SNTG1: variants seen among roughly 807,000 people sequenced by gnomAD.
The protein encoded by SNTG1 is syntrophin gamma 1, also known as gamma-1-syntrophin.
In SNTG1, 39 loss-of-function variants were observed where a neutral mutation model predicts 74.7. The observed-to-expected ratio is 0.52, with a 90% CI of 0.40 to 0.68. The LOEUF is 0.68. SNTG1 is among the 30% of genes least tolerant of loss of function. The pLI, the probability that SNTG1 is intolerant of heterozygous loss-of-function variation, is 0.00. For missense variants in SNTG1, 685 were observed against 609.5 expected, an observed-to-expected ratio of 1.12 and a Z score of -1.30; for synonymous variants, 254 against 217.1, an observed-to-expected ratio of 1.17 and a Z score of -1.49.
At chr8:50,764,072 T>C (rs575909065) in intron 18 of SNTG1, among the ~76,000 whole-genome samples, 1 of 151,536 alleles carries the variant, frequency 6.6e-6, no homozygotes, top group African/African-American at 2.4e-5. Context: ...TAATACAAAA[T>C]GGGAAAAGAA....
intron 1 of SNTG1, among the ~76,000 whole-genome samples, chr8:50,093,752 G>C (rs1386398068): frequency 6.6e-6 from 1 of 152,134 alleles, no homozygotes; most frequent in Non-Finnish European, 1.5e-5. Context: ...ATTGTGAAAA[G>C]TCCACATCCA....
rs150801015 is a variant in SNTG1, at chr8:50,502,841, C to A, written c.427C>A (p.Pro143Thr). ...TLTVSFLKRA[P>T]AFLKLPLNED... ...AACAGTGTCATTTTTAAAAAGAGCA[C>A]CTGCTTTCCTCAAACTCCCATTGAA... is the stretch of plus-strand genomic sequence containing the variant. Residue 143 changes from proline (P) to threonine (T), a missense_variant, in exon 9 of 19, where the codon CCT (proline) becomes ACT (threonine). By Grantham distance (38) the Pro-to-Thr change is conservative. Coordinates refer to ENST00000642720, the MANE Select transcript of SNTG1 (RefSeq NM_018967.5). 6.2e-7 allele frequency: 1 copy of A among 1,613,110 alleles called. No homozygotes were observed. Among genetic ancestry groups the A allele is most frequent in the African/African-American group, 1.3e-5 (1 of 74,878 alleles).
At chr8:50,092,035 T>C (rs536767266) in intron 1 of SNTG1, among the ~76,000 whole-genome samples, 3 of 152,178 alleles carry the variant, frequency 2.0e-5, no homozygotes, top group Non-Finnish European at 2.9e-5. Flanking sequence ...TCCCACTTCG[T>C]ATTCTAAGGA....
At chr8:50,422,270 A>ATCTATCTATCTGTCTATCTAT (rs61696608) in intron 4 of SNTG1, among the ~76,000 whole-genome samples, 3 of 151,582 alleles carry the variant, frequency 2.0e-5, no homozygotes, top group Admixed American at 6.6e-5. Context: ...CTATCTATCT[A>ATCTATCTATCTGTCTATCTAT]CTATCTATCT....
At chr8:50,560,740 CAAG>C (rs1373691657) in intron 12 of SNTG1, among the ~76,000 whole-genome samples, 1 of 151,954 alleles carries the variant, frequency 6.6e-6, no homozygotes, top group Non-Finnish European at 1.5e-5. Flanking sequence ...GGGAGAGCAT[CAAG>C]AAGAACAGCT....
At chr8:50,082,260 T>A (rs1822480088) in intron 1 of SNTG1, among the ~76,000 whole-genome samples, 1 of 152,180 alleles carries the variant, frequency 6.6e-6, no homozygotes, top group African/African-American at 2.4e-5. Flanking sequence ...CCACATTTGT[T>A]GACAGAGACA....
At chr8:50,209,060 C>T (rs1308281883) in intron 2 of SNTG1, among the ~76,000 whole-genome samples, 1 of 152,180 alleles carries the variant, frequency 6.6e-6, no homozygotes, top group African/African-American at 2.4e-5. Context: ...GAAAATGGCA[C>T]ATCAGGAGAT....
intron 18 of SNTG1, among the ~76,000 whole-genome samples, chr8:50,771,317 A>T (rs1198194515): frequency 6.6e-6 from 1 of 152,116 alleles, no homozygotes; most frequent in African/African-American, 2.4e-5. Flanking sequence ...AGATATGCCT[A>T]TTACACCCTT....
chr8:50,776,242 G>C (rs1008755011), intron 18 of SNTG1, among the ~76,000 whole-genome samples: 1 of 150,104 alleles, frequency 6.7e-6, no homozygotes, highest in Non-Finnish European at 1.5e-5. Flanking sequence ...TAGCATTTTT[G>C]AGCATACTTC....
rs562321206 is a variant in SNTG1 at position 50,330,182 on chromosome 8, G to C, written c.-27-64030G>C. The stretch of plus-strand genomic sequence containing the variant: ...CCTCATGCTGTTCCTGTGATAGTGA[G>C]TGAGTTCACATGAGATCTGATGTTT... On this transcript the variant is annotated intron_variant, in intron 2 of 18. Transcript: ENST00000642720. Among the ~76,000 whole-genome samples the C allele has an allele frequency of 3.9e-5, 6 of 152,246 alleles. No homozygotes were observed. In the East Asian group the frequency reaches 1.2e-3, roughly 30 times the overall value.
chr8:49,966,505 T>C (rs11776388), intron 1 of SNTG1, among the ~76,000 whole-genome samples: 15,954 of 151,870 alleles, frequency 0.11, 1,253 homozygotes, highest in African/African-American at 0.2. Context: ...AGCTATTCTC[T>C]TGCCTTAGCC....
In SNTG1 at chr8:50,450,730, G is replaced by A. The variant is rs763613478; in HGVS notation, c.363+1G>A. 2 of 1,612,410 alleles carry A rather than the reference G, an allele frequency of 1.2e-6. No homozygotes were observed. The highest frequency in any genetic ancestry group is 2.7e-5 in the African/African-American group (2 of 74,880). On this transcript the variant is annotated splice_donor_variant, in intron 8 of 18. Transcript: ENST00000642720. LOFTEE classifies it high-confidence loss of function. ...GAGAAAATGTAGACATGAAGAAGTG[G>A]TGAGTTTACTTTTTCCTAATGTCAT...
chr8:50,560,680 G>A (rs1039952832), intron 12 of SNTG1, among the ~76,000 whole-genome samples: 1 of 152,064 alleles, frequency 6.6e-6, no homozygotes, highest in Non-Finnish European at 1.5e-5. Flanking sequence ...AGAACACGTG[G>A]ACACATCGGG....
chr8:50,158,197 A>G (rs1397573512), intron 1 of SNTG1, among the ~76,000 whole-genome samples: 2 of 152,172 alleles, frequency 1.3e-5, no homozygotes, highest in Admixed American at 6.5e-5. Flanking sequence ...TGGTAGATCC[A>G]TGATATCCAA....
intron 15 of SNTG1, among the ~76,000 whole-genome samples, chr8:50,691,224 A>G (rs2095377464): frequency 6.6e-6 from 1 of 152,146 alleles, no homozygotes; most frequent in Non-Finnish European, 1.5e-5. Flanking sequence ...TGTGTCTTTC[A>G]ATTGGAGCAT....
intron 2 of SNTG1, among the ~76,000 whole-genome samples, chr8:50,273,552 T>A (rs139610777): frequency 1.9e-3 from 284 of 152,328 alleles, no homozygotes; most frequent in Middle Eastern, 0.01. Flanking sequence ...GCATTATGAA[T>A]AAAATTGAAA....
intron 2 of SNTG1, among the ~76,000 whole-genome samples, chr8:50,226,037 A>G (rs554617669): frequency 6.6e-6 from 1 of 152,382 alleles, no homozygotes; most frequent in Admixed American, 6.5e-5. Flanking sequence ...CAACAAAATG[A>G]ACACAATAGA....
chr8:50,751,124 A>G (rs2095566320), intron 17 of SNTG1, among the ~76,000 whole-genome samples: 1 of 152,096 alleles, frequency 6.6e-6, no homozygotes, highest in South Asian at 2.1e-4. Flanking sequence ...TAATTTGTTA[A>G]AAGTATTTTC....
intron 2 of SNTG1, among the ~76,000 whole-genome samples, chr8:50,213,007 A>T (rs532269979): frequency 6.6e-6 from 1 of 152,342 alleles, no homozygotes; most frequent in Admixed American, 6.5e-5. Flanking sequence ...TTTGGAAATA[A>T]CATTTCTTCT....
Sources: gnomAD v4.1 joint callset for allele counts (sites outside exome capture counted in the v4.1 genomes callset) on GRCh38, gnomAD v4.1.1 for gene constraint, MANE v1.5 for transcripts, NCBI Gene and HGNC (gene_info 2026-07-23, HGNC 2026-07-21) for gene names.